TBC1D13: variants seen among roughly 807,000 people sequenced by gnomAD.
TBC1D13 encodes TBC1 domain family member 13, also known as epididymis secretory sperm binding protein.
A neutral mutation model predicts 53.6 loss-of-function variants in TBC1D13; 40 were observed. The ratio of observed to expected loss-of-function variants is 0.75; its 90% CI spans 0.58 to 0.97. The LOEUF is 0.97. TBC1D13 is among the 50% of genes least tolerant of loss of function. TBC1D13 has a pLI of 0.00. For synonymous variants in TBC1D13, 182 were observed against 197.7 expected, an observed-to-expected ratio of 0.92 and a Z score of 0.67; for missense variants, 377 against 499.4, an observed-to-expected ratio of 0.75 and a Z score of 2.34.
At chr9:128,793,659 A>G (rs1829574834) in intron 6 of TBC1D13, among the ~76,000 whole-genome samples, 1 of 152,204 alleles carries the variant, frequency 6.6e-6, no homozygotes, top group African/African-American at 2.4e-5. Flanking sequence ...CCTTAGAATG[A>G]TCAGATCTCC....
At chr9:128,802,102 C>T (rs552961079) in intron 7 of TBC1D13, among the ~76,000 whole-genome samples, 1 of 148,458 alleles carries the variant, frequency 6.7e-6, no homozygotes, top group South Asian at 2.2e-4. Flanking sequence ...GTTGCCCAGG[C>T]TGGAGTGCAA....
In TBC1D13 at chr9:128,809,978, CTT is replaced by C. The variant is rs562495046; in HGVS notation, c.*2101_*2102del. The stretch of plus-strand genomic sequence containing the variant: ...GACCCAGCAGACACTGCCCAGGACT[CTT>C]TAGTGCACTCACTCTTGTCTGCCCC... On this transcript the variant is annotated 3_prime_UTR_variant, in exon 12 of 12. Coordinates refer to ENST00000372648, the MANE Select transcript of TBC1D13 (RefSeq NM_018201.5). 942 of 152,534 alleles carry C rather than the reference CTT, an allele frequency of 6.2e-3. 9 individuals carry two copies. Among genetic ancestry groups the C allele is most frequent in the South Asian group, 0.042 (200 of 4,814 alleles). 9.4% of individuals were successfully genotyped at this position (152,534 alleles called of 1,614,324 possible).
chr9:128,808,192 C>T lies in TBC1D13; in HGVS notation c.*313C>T. The stretch of plus-strand genomic sequence containing the variant: ...GCAGGGGCCCCTCCCTGCCTCGGCT[C>T]TGCCGCCCCAGCCTCAGTTCCTGCT... On this transcript the variant is annotated 3_prime_UTR_variant, in exon 12 of 12. Transcript: ENST00000372648. 5.2e-6 allele frequency: 2 copies of T among 383,640 alleles called. No individual in the cohort carries two copies. Among genetic ancestry groups the T allele is most frequent in the South Asian group, 5.9e-5 (2 of 33,706 alleles). 23.8% of individuals were successfully genotyped at this position (383,640 alleles called of 1,614,324 possible).
At chr9:128,802,651 T>A (rs1459970580) in intron 7 of TBC1D13, among the ~76,000 whole-genome samples, 1 of 152,206 alleles carries the variant, frequency 6.6e-6, no homozygotes. Context: ...TGTGCCAGTG[T>A]ATGTCCCATA....
At position 128,790,739 on chromosome 9, in the gene TBC1D13, C is replaced by T. The variant is rs907805809; in HGVS notation, c.102C>T (p.Ile34=). 2.6e-5 allele frequency: 41 copies of T among 1,551,800 alleles called. No individual in the cohort carries two copies. The highest frequency in any genetic ancestry group is 3.2e-5 in the Non-Finnish European group (37 of 1,157,756). ...CTTTGCCTGCTGTGTCCACAGGCAT[C>T]CCCTGTGAGGGCGGACTGCGGTGCC... ...EKLRELSFSG[I]PCEGGLRCLC... The change falls in exon 3 of 12, where the codon ATC becomes ATT. Residue 34 remains isoleucine, a synonymous_variant. Coordinates refer to ENST00000372648, the MANE Select transcript of TBC1D13 (RefSeq NM_018201.5).
chr9:128,804,218 A>G (rs1829787440), intron 9 of TBC1D13, 99 bp downstream of exon 9: 1 of 1,385,884 alleles, frequency 7.2e-7, no homozygotes, highest in South Asian at 1.3e-5. Context: ...TCTGGGGGTC[A>G]GAAGTAGCTG....
Position 128,806,218 on chromosome 9 carries a change from C to T in TBC1D13, c.1080-36C>T, listed in dbSNP as rs1366655291. ...TGGGCAGGGCCTGCACTCAGAGCAT[C>T]CCAGGTCCCAGCGCTTTTGCTGCTG... is the stretch of plus-strand genomic sequence containing the variant. On this transcript the variant is annotated intron_variant, in intron 10 of 11. Coordinates refer to ENST00000372648, the MANE Select transcript of TBC1D13 (RefSeq NM_018201.5). 4.3e-6 allele frequency: 7 copies of T among 1,613,860 alleles called. No homozygotes were observed. In the Admixed American group the frequency reaches 1.2e-4, roughly 27 times the overall value.
chr9:128,791,534 C>G, intron 4 of TBC1D13, 60 bp from the exon 5 acceptor site: 1 of 1,610,450 alleles, frequency 6.2e-7, no homozygotes, highest in Non-Finnish European at 8.5e-7. Flanking sequence ...GGCTGCTGCT[C>G]TGCTCTGGGC....
At chr9:128,807,545 G>T (rs1249614557) in intron 11 of TBC1D13, among the ~76,000 whole-genome samples, 1 of 152,232 alleles carries the variant, frequency 6.6e-6, no homozygotes, top group Non-Finnish European at 1.5e-5. Flanking sequence ...GCAGTAGTGG[G>T]AGAGCTGAGG....
rs1383110271 is a variant in TBC1D13 at position 128,790,849 on chromosome 9, CT to C, written c.138+75del. On this transcript the variant is annotated intron_variant, in intron 3 of 11. Transcript: ENST00000372648. ...TTTCCTGCATGGGCTGCCCCTACCC[CT>C]GGCTTCTTCCTCCTGTTCTGCACCT... 33 of 1,467,668 alleles carry C rather than the reference CT, an allele frequency of 2.2e-5. No homozygotes were observed. In the Admixed American group the frequency reaches 7.5e-4, roughly 34 times the overall value. The allele number at this position is 1,467,668 out of a possible 1,614,324, so 90.9% of individuals were successfully genotyped here.
At position 128,797,262 on chromosome 9, in the gene TBC1D13, T is replaced by C; in HGVS notation, c.543+48T>C. 3 of 1,595,752 alleles carry C rather than the reference T, an allele frequency of 1.9e-6. No homozygotes were observed. The East Asian group carries it at 6.7e-5, about 36-fold the overall frequency. ...CAGGGACTCCCCCAACAGTATTTTC[T>C]TTCCTTTTTCTCTTAAACTCCTGGC... is the stretch of plus-strand genomic sequence containing the variant. On this transcript the variant is annotated intron_variant, in intron 7 of 11. Coordinates refer to ENST00000372648, the MANE Select transcript of TBC1D13 (RefSeq NM_018201.5).
At chr9:128,804,215 G>T in intron 9 of TBC1D13, 96 bp downstream of exon 9, 1 of 1,410,138 alleles carries the variant, frequency 7.1e-7, no homozygotes, top group Non-Finnish European at 9.7e-7. Flanking sequence ...GAGTCTGGGG[G>T]TCAGAAGTAG....
In TBC1D13 at chr9:128,803,947, C is replaced by T. The variant is rs373609178; in HGVS notation, c.755-9C>T. On this transcript the variant is annotated splice_polypyrimidine_tract_variant and intron_variant, in intron 8 of 11. Transcript: ENST00000372648. ...GCGCCACTTCTGCCCCCATCCTGCT[C>T]TCTCCCAGAGCACGCCGAGGCAGAC... 5 of 1,612,180 alleles carry T rather than the reference C, an allele frequency of 3.1e-6. No homozygotes were observed. In the East Asian group the frequency reaches 6.7e-5, roughly 22 times the overall value.
At position 128,806,230 on chromosome 9, in the gene TBC1D13, C is replaced by T. The variant is rs371989217; in HGVS notation, c.1080-24C>T. On this transcript the variant is annotated intron_variant, in intron 10 of 11. Coordinates refer to ENST00000372648, the MANE Select transcript of TBC1D13 (RefSeq NM_018201.5). ...GCACTCAGAGCATCCCAGGTCCCAG[C>T]GCTTTTGCTGCTGCTTTTCATAGGC... 15 of 1,613,956 alleles carry T rather than the reference C, an allele frequency of 9.3e-6. No individual in the cohort carries two copies. In the African/African-American group the frequency reaches 9.3e-5, roughly 10 times the overall value.
intron 7 of TBC1D13, 100 bp from the exon 8 acceptor site, chr9:128,803,150 C>A: frequency 9.3e-7 from 1 of 1,070,648 alleles, no homozygotes; most frequent in South Asian, 1.4e-5. Flanking sequence ...ACCACTGGGG[C>A]TCAGCTCCCA....
intron 9 of TBC1D13, among the ~76,000 whole-genome samples, chr9:128,804,614 G>A (rs569124306): frequency 6.6e-6 from 1 of 151,768 alleles, no homozygotes; most frequent in African/African-American, 2.4e-5. Flanking sequence ...CACTGTGTTA[G>A]CCAGGATGGT....
At chr9:128,791,563 G>A (rs1384553215) in intron 4 of TBC1D13, 31 bp from the exon 5 acceptor site, 2 of 1,612,970 alleles carry the variant, frequency 1.2e-6, no homozygotes, top group Non-Finnish European at 1.7e-6. Flanking sequence ...CAGGACCGTT[G>A]GGAATCATCC....
rs1829772490 is a variant in TBC1D13 at position 128,803,414 on chromosome 9, G to T, written c.708G>T (p.Gly236=). ...AYVQGMNEIV[G]PLYYTFATDP... is the part of the protein sequence containing the mutation. ...TGCAAGGCATGAATGAAATCGTGGG[G>T]CCCCTCTACTACACCTTTGCCACCG... The change falls in exon 8 of 12, where the codon GGG becomes GGT. Residue 236 remains glycine (G), a synonymous_variant. Coordinates refer to ENST00000372648, the MANE Select transcript of TBC1D13 (RefSeq NM_018201.5). 1 of 1,614,068 alleles carries T rather than the reference G, an allele frequency of 6.2e-7. No homozygotes were observed. The highest frequency in any genetic ancestry group is 1.3e-5 in the African/African-American group (1 of 74,914).
At chr9:128,799,624 C>T (rs1829696068) in intron 7 of TBC1D13, among the ~76,000 whole-genome samples, 1 of 152,208 alleles carries the variant, frequency 6.6e-6, no homozygotes, top group South Asian at 2.1e-4. Context: ...CCCGACATTT[C>T]TGAGCCTCAG....
Sources: gnomAD v4.1 joint callset for allele counts (sites outside exome capture counted in the v4.1 genomes callset) on GRCh38, gnomAD v4.1.1 for gene constraint, MANE v1.5 for transcripts, NCBI Gene and HGNC (gene_info 2026-07-23, HGNC 2026-07-21) for gene names.